TENM4: variants seen among roughly 807,000 people sequenced by gnomAD.
TENM4 encodes teneurin-4.
In TENM4, 82 loss-of-function variants were observed where a neutral mutation model predicts 243.3. That is an observed-to-expected ratio of 0.34 (90% CI 0.28 to 0.40). The LOEUF is 0.40. Ranked by LOEUF, TENM4 falls within the 10% of genes least tolerant of loss-of-function variation. TENM4 has a pLI of 1.00. For missense variants in TENM4, 3,138 were observed against 3,673.3 expected, an observed-to-expected ratio of 0.85 and a Z score of 3.77; for synonymous variants, 1,412 against 1,456.3, an observed-to-expected ratio of 0.97 and a Z score of 0.69.
chr11:79,035,360 T>C (rs779672519), intron 6 of TENM4, among the ~76,000 whole-genome samples: 1 of 152,226 alleles, frequency 6.6e-6, no homozygotes, highest in African/African-American at 2.4e-5. Flanking sequence ...TTTAAAATTC[T>C]CAGCTCACCA....
At chr11:79,101,009 G>T (rs1161738791) in intron 4 of TENM4, among the ~76,000 whole-genome samples, 1 of 152,040 alleles carries the variant, frequency 6.6e-6, no homozygotes, top group Admixed American at 6.5e-5. Context: ...GTGCTTCTCT[G>T]GGGGAGGGTT....
At chr11:79,357,522 T>C (rs7113942) in intron 1 of TENM4, among the ~76,000 whole-genome samples, 40,161 of 152,168 alleles carry the variant, frequency 0.26, 5,733 homozygotes, top group Middle Eastern at 0.38. Flanking sequence ...TATGATGATG[T>C]GGGGTTTTGC....
intron 25 of TENM4, among the ~76,000 whole-genome samples, chr11:78,718,175 G>A (rs1268112712): frequency 6.6e-6 from 1 of 152,124 alleles, no homozygotes; most frequent in African/African-American, 2.4e-5. Flanking sequence ...GGACACTGAA[G>A]CCCAGAGAGA....
chr11:78,855,937 C>G, intron 11 of TENM4, 27 bp downstream of exon 11: 1 of 1,548,452 alleles, frequency 6.5e-7, no homozygotes, highest in South Asian at 1.2e-5. Context: ...CCATGCAGAT[C>G]AACAGGGTAT....
intron 3 of TENM4, among the ~76,000 whole-genome samples, chr11:79,181,951 T>TAAA (rs71050213): frequency 1.9e-3 from 285 of 147,202 alleles, no homozygotes; most frequent in African/African-American, 5.8e-3. Context: ...ATCAAAGAAC[T>TAAA]AAAAAAAAAA....
intron 6 of TENM4, among the ~76,000 whole-genome samples, chr11:79,032,042 GA>G (rs1004180548): frequency 3.9e-5 from 6 of 152,182 alleles, no homozygotes; most frequent in African/African-American, 1.4e-4. Flanking sequence ...CCTTGATCCT[GA>G]ATCTCAGGCC....
intron 20 of TENM4, among the ~76,000 whole-genome samples, chr11:78,736,562 T>G (rs1180748179): frequency 6.6e-6 from 1 of 152,078 alleles, no homozygotes; most frequent in African/African-American, 2.4e-5. Flanking sequence ...GAAGAATACA[T>G]GTCCCTGGAC....
At chr11:79,285,998 C>A (rs536644086) in intron 2 of TENM4, among the ~76,000 whole-genome samples, 1 of 152,014 alleles carries the variant, frequency 6.6e-6, no homozygotes, top group Non-Finnish European at 1.5e-5. Flanking sequence ...TAAAAAAATA[C>A]TGAAATGTTA....
At chr11:78,945,111 G>A (rs201240776) in intron 6 of TENM4, among the ~76,000 whole-genome samples, 2 of 152,096 alleles carry the variant, frequency 1.3e-5, no homozygotes, top group Admixed American at 6.5e-5. Context: ...AGAGATCTAC[G>A]TAAGGGCATT....
At chr11:79,327,925 G>A (rs2135438987) in intron 1 of TENM4, among the ~76,000 whole-genome samples, 1 of 152,212 alleles carries the variant, frequency 6.6e-6, no homozygotes, top group Non-Finnish European at 1.5e-5. Context: ...CACAATTTAG[G>A]GAATAGATGC....
At chr11:78,929,553 C>T (rs1856626067) in intron 6 of TENM4, among the ~76,000 whole-genome samples, 1 of 152,102 alleles carries the variant, frequency 6.6e-6, no homozygotes, top group African/African-American at 2.4e-5. Flanking sequence ...TTCTTGGGGA[C>T]TATGTGATGA....
chr11:79,301,608 T>C (rs1856549864), intron 1 of TENM4, among the ~76,000 whole-genome samples: 1 of 152,242 alleles, frequency 6.6e-6, no homozygotes, highest in African/African-American at 2.4e-5. Context: ...CTGTATGCTC[T>C]ATGAATGACA....
chr11:78,837,466 A>ATTTTG (rs1459708151), intron 12 of TENM4, among the ~76,000 whole-genome samples: 2 of 152,122 alleles, frequency 1.3e-5, no homozygotes, highest in African/African-American at 4.8e-5. Context: ...AAACTAATAC[A>ATTTTG]TTTTCACATC....
chr11:78,991,124 T>C (rs1455843091), intron 6 of TENM4, among the ~76,000 whole-genome samples: 1 of 152,148 alleles, frequency 6.6e-6, no homozygotes, highest in Non-Finnish European at 1.5e-5. Context: ...TTGTTTTTGG[T>C]AGTCACAATG....
intron 3 of TENM4, among the ~76,000 whole-genome samples, chr11:79,168,858 C>T (rs760492623): frequency 3.3e-5 from 5 of 152,164 alleles, no homozygotes; most frequent in Non-Finnish European, 4.4e-5. Flanking sequence ...CTCATCCCTG[C>T]CTGTTCTCTT....
chr11:79,018,469 TCC>T (rs1209059620), intron 6 of TENM4, among the ~76,000 whole-genome samples: 2 of 150,974 alleles, frequency 1.3e-5, no homozygotes, highest in African/African-American at 4.9e-5. Context: ...CACACACACA[TCC>T]CCCCACACAC....
intron 2 of TENM4, among the ~76,000 whole-genome samples, chr11:79,238,651 A>G (rs919662115): frequency 1.8e-4 from 27 of 151,940 alleles, no homozygotes; most frequent in African/African-American, 6.3e-4. Flanking sequence ...CCAAACCTTC[A>G]TAATAAATCT....
At chr11:79,069,583 C>A in intron 5 of TENM4, 139 bp downstream of exon 5, 2 of 1,173,638 alleles carry the variant, frequency 1.7e-6, no homozygotes, top group Non-Finnish European at 2.3e-6. Context: ...ATGGCAGAAA[C>A]TTGCTGTTGA....
intron 12 of TENM4, among the ~76,000 whole-genome samples, chr11:78,835,511 A>G (rs1206504270): frequency 5.9e-5 from 9 of 152,174 alleles, no homozygotes; most frequent in Non-Finnish European, 5.9e-5. Context: ...TCTCAAACAA[A>G]CAAACAAACA....
Sources: gnomAD v4.1 joint callset for allele counts (sites outside exome capture counted in the v4.1 genomes callset) on GRCh38, gnomAD v4.1.1 for gene constraint, MANE v1.5 for transcripts, NCBI Gene and HGNC (gene_info 2026-07-23, HGNC 2026-07-21) for gene names.